FBF1: variants seen among roughly 807,000 people sequenced by gnomAD.
The protein encoded by FBF1 is Fas binding factor 1.
A neutral mutation model predicts 147.2 loss-of-function variants in FBF1; 119 were observed. The ratio of observed to expected loss-of-function variants is 0.81; its 90% CI spans 0.70 to 0.94. The LOEUF (loss-of-function observed/expected upper bound fraction) is 0.94, where lower values mean the gene tolerates loss of function less well. FBF1 is among the 40% of genes least tolerant of loss of function. The probability of loss-of-function intolerance (pLI) is 0.00; values close to 1 mark genes in which losing one functional copy is unlikely to be tolerated. For synonymous variants in FBF1, 601 were observed against 609.0 expected, an observed-to-expected ratio of 0.99 and a Z score of 0.19; for missense variants, 1,449 against 1,500.8, an observed-to-expected ratio of 0.97 and a Z score of 0.57.
Position 75,914,838 on chromosome 17 carries a change from T to C in FBF1, c.2723A>G (p.Gln908Arg). Residue 908 changes from glutamine (Q) to arginine (R), a missense_variant, in exon 25 of 30, where the codon CAA becomes CGA. Gln to Arg is a conservative substitution (Grantham distance 43). Coordinates refer to ENST00000636174, the MANE Select transcript of FBF1 (RefSeq NM_001319193.2). ...CTCGGCCCGCTCCTTACTCAGCTTT[T>C]GCTGCGCGGAGAACTCCGCCCACTC... ...AAEWAEFSAQ[Q>R]KLSKERAERE... 6.2e-7 allele frequency: 1 copy of C among 1,608,992 alleles called. No individual in the cohort carries two copies.
chr17:75,923,149 T>C lies in FBF1; in HGVS notation c.1424+37A>G. ...AGGGGCTCCTCAAGTCCCCAGCCAGTCCTCCCCCTACTAGCCACAGCAGCC... is the reference window on the plus strand; with the variant it reads ...AGGGGCTCCTCAAGTCCCCAGCCAGCCCTCCCCCTACTAGCCACAGCAGCC... On this transcript the variant is annotated intron_variant, in intron 14 of 29. Transcript: ENST00000636174. The surrounding 1 kb of genome is among the most constrained non-coding windows in gnomAD (Gnocchi z 4.1). 4 of 1,510,274 alleles carry C rather than the reference T, an allele frequency of 2.6e-6. No individual in the cohort carries two copies. The highest frequency in any genetic ancestry group is 3.6e-6 in the Non-Finnish European group (4 of 1,124,426). The allele number at this position is 1,510,274 out of a possible 1,614,324, so 93.6% of individuals were successfully genotyped here.
At position 75,923,448 on chromosome 17, in the gene FBF1, G is replaced by A. The variant is rs1390497693; in HGVS notation, c.1162C>T (p.Pro388Ser). ...TGGCTCGCAGGAGGAGGCACTGAGG[G>A]CGTGACAGGCACTGAACTTTCCCGA... is the stretch of plus-strand genomic sequence containing the variant. Reference protein sequence around the residue: ...AHRESSVPVTPSVPPPASQHS... With the variant: ...AHRESSVPVTSSVPPPASQHS... Residue 388 changes from proline to serine, a missense_variant, in exon 14 of 30, where the codon CCC becomes TCC. Pro to Ser is a moderately conservative substitution (Grantham distance 74). Transcript: ENST00000636174. This position sits in a 1 kb window ranked among gnomAD's most constrained non-coding sequence, Gnocchi z 4.1. 2 of 1,609,148 alleles carry A rather than the reference G, an allele frequency of 1.2e-6. No homozygotes were observed.
At chr17:75,915,874 G>T (rs1221947385) in intron 23 of FBF1, among the ~76,000 whole-genome samples, 1 of 151,906 alleles carries the variant, frequency 6.6e-6, no homozygotes, top group African/African-American at 2.4e-5. Context: ...TGGGCGTGGT[G>T]GCAGTTGCCT....
intron 5 of FBF1, 63 bp from the exon 6 acceptor site, chr17:75,931,352 G>A: frequency 6.9e-7 from 1 of 1,457,224 alleles, no homozygotes. Flanking sequence ...CTAAAAAGGG[G>A]AGGAGTAGCT....
chr17:75,930,516 T>C (rs2065587822), intron 6 of FBF1, among the ~76,000 whole-genome samples: 1 of 152,192 alleles, frequency 6.6e-6, no homozygotes, highest in Non-Finnish European at 1.5e-5. Context: ...TCCCAGCACT[T>C]TGGGAGGCCG....
chr17:75,924,370 A>C (rs2065547627), intron 13 of FBF1, among the ~76,000 whole-genome samples: 1 of 152,210 alleles, frequency 6.6e-6, no homozygotes, highest in South Asian at 2.1e-4. Flanking sequence ...CGATGTGCTT[A>C]GAGCTATTCA....
chr17:75,921,683 A>G (rs2065528009), intron 15 of FBF1, 123 bp from the exon 16 acceptor site: 2 of 255,564 alleles, frequency 7.8e-6, no homozygotes, highest in Non-Finnish European at 1.4e-5. Flanking sequence ...TACGTGGGAC[A>G]CGGGGATGGG....
chr17:75,929,944 G>GAGGGCCCCCCCCCCCCCCCCCCCCAAAA, intron 7 of FBF1, 53 bp downstream of exon 7: 1 of 685,844 alleles, frequency 1.5e-6, no homozygotes, highest in Non-Finnish European at 2.7e-6. Context: ...AAAATATCAT[G>GAGGGCCCCCCCCCCCCCCCCCCCCAAAA]ACCCCACCCC....
intron 6 of FBF1, among the ~76,000 whole-genome samples, chr17:75,930,582 A>G (rs966410652): frequency 2.0e-5 from 3 of 152,210 alleles, no homozygotes; most frequent in Non-Finnish European, 4.4e-5. Context: ...CAATGTGGTG[A>G]AACCCCGTCT....
chr17:75,934,940 A>T (rs72865817), intron 4 of FBF1, among the ~76,000 whole-genome samples: 1 of 152,148 alleles, frequency 6.6e-6, no homozygotes, highest in Non-Finnish European at 1.5e-5. Context: ...AAGTGTCCAC[A>T]ATAGGCAAAT....
chr17:75,911,058 G>C (rs1220834937), intron 29 of FBF1, among the ~76,000 whole-genome samples: 1 of 152,156 alleles, frequency 6.6e-6, no homozygotes, highest in Admixed American at 6.5e-5. Context: ...CTAAGCCTCA[G>C]TTTCCTTGTC....
In FBF1 at chr17:75,926,144, G is replaced by T; in HGVS notation, c.754C>A (p.Arg252Ser). ...IGDQEGPRPA[R>S]STLDELLGRG... ...CCCAGCAGCTCATCCAGCGTGGAGC[G>T]AGCAGGGCGAGGCCCTTCCCTGCAG... Residue 252 changes from arginine (R) to serine (S), a missense_variant, in exon 12 of 30, where the codon CGC (arginine) becomes AGC (serine). By Grantham distance (110) the Arg-to-Ser change is moderately radical. Transcript: ENST00000636174. 1 of 1,608,774 alleles carries T rather than the reference G, an allele frequency of 6.2e-7. No individual in the cohort carries two copies. Among genetic ancestry groups the T allele is most frequent in the Non-Finnish European group, 8.5e-7 (1 of 1,178,262 alleles).
Position 75,914,754 on chromosome 17 carries a change from A to G in FBF1, c.2807T>C (p.Leu936Pro), listed in dbSNP as rs1336268209. ...DTQREGTLISLAKEQAELKIR... is the reference protein window; with the variant it reads ...DTQREGTLISPAKEQAELKIR... ...GGAGGCTCTGGGCCCTACCTTGGCC[A>G]GGCTGATGAGGGTGCCCTCCCGCTG... The change falls in exon 25 of 30, where the codon CTG becomes CCG. Residue 936 changes from leucine to proline, a missense_variant. Physicochemically the swap from Leu to Pro is moderately conservative, Grantham distance 98. Coordinates refer to ENST00000636174, the MANE Select transcript of FBF1 (RefSeq NM_001319193.2). 6.4e-7 allele frequency: 1 copy of G among 1,570,576 alleles called. No individual in the cohort carries two copies.
chr17:75,917,809 C>T lies in FBF1; in HGVS notation c.2428G>A (p.Glu810Lys). 6.2e-7 allele frequency: 1 copy of T among 1,609,008 alleles called. No individual in the cohort carries two copies. Among genetic ancestry groups the T allele is most frequent in the Non-Finnish European group, 8.5e-7 (1 of 1,178,708 alleles). Residue 810 changes from glutamate to lysine, a missense_variant, in exon 23 of 30, where the codon GAG becomes AAG. Transcript: ENST00000636174. The part of the protein sequence containing the change: ...RLGQQQRDME[E>K]ERSRQQEVIG... ...ACCTCCTGTTGCCGGCTCCGCTCCT[C>T]CTCCATGTCCCGCTGCTGCTGGCCC... is the stretch of plus-strand genomic sequence containing the variant.
chr17:75,923,498 G>C lies in FBF1; in HGVS notation c.1112C>G (p.Pro371Arg). 1 of 1,607,136 alleles carries C rather than the reference G, an allele frequency of 6.2e-7. No homozygotes were observed. Among genetic ancestry groups the C allele is most frequent in the Non-Finnish European group, 8.5e-7 (1 of 1,177,168 alleles). ...GLKDEDLDLFPASPTREAHRE... is the reference protein window; with the variant it reads ...GLKDEDLDLFRASPTREAHRE... ...ATGGGCCTCTCTGGTGGGTGAGGCAGGGAACAGGTCCAAGTCCTCGTCCTT... is the reference window on the plus strand; with the variant it reads ...ATGGGCCTCTCTGGTGGGTGAGGCACGGAACAGGTCCAAGTCCTCGTCCTT... The change falls in exon 14 of 30, where the codon CCT becomes CGT. Residue 371 changes from proline (P) to arginine (R), a missense_variant. Transcript: ENST00000636174. The surrounding 1 kb of genome is among the most constrained non-coding windows in gnomAD (Gnocchi z 4.1).
chr17:75,919,611 T>C lies in FBF1; in HGVS notation c.2138+57A>G. On this transcript the variant is annotated intron_variant, in intron 20 of 29. Coordinates refer to ENST00000636174, the MANE Select transcript of FBF1 (RefSeq NM_001319193.2). The surrounding 1 kb of genome is among the most constrained non-coding windows in gnomAD (Gnocchi z 5.0). ...CAGCGAAGGGTCTCGTGGGGATGGC[T>C]CTCTTCCGGCTACTCCTTGCAAGCC... The C allele has an allele frequency of 6.5e-7, 1 of 1,534,616 alleles. No homozygotes were observed. Among genetic ancestry groups the C allele is most frequent in the Admixed American group, 2.0e-5 (1 of 50,978 alleles).
Position 75,925,260 on chromosome 17 carries a change from G to C in FBF1, c.968+87C>G. On this transcript the variant is annotated intron_variant, in intron 13 of 29. Coordinates refer to ENST00000636174, the MANE Select transcript of FBF1 (RefSeq NM_001319193.2). This position sits in a 1 kb window ranked among gnomAD's most constrained non-coding sequence, Gnocchi z 5.0. ...CTGTGGCCTCCCACATGAGACTCTC[G>C]GGTGGGACAGGGGACAGCTGCAGGG... 2.0e-6 allele frequency: 2 copies of C among 995,256 alleles called. No homozygotes were observed. The highest frequency in any genetic ancestry group is 3.0e-6 in the Non-Finnish European group (2 of 674,150). The allele number at this position is 995,256 out of a possible 1,614,324, so 61.7% of individuals were successfully genotyped here.
Position 75,923,223 on chromosome 17 carries a change from G to A in FBF1, c.1387C>T (p.His463Tyr). The A allele has an allele frequency of 6.3e-7, 1 of 1,592,882 alleles. No individual in the cohort carries two copies. Among genetic ancestry groups the A allele is most frequent in the African/African-American group, 1.3e-5 (1 of 74,676 alleles). ...EQHAGTSEGL[H>Y]LAGTAGHPPS... Reference sequence around the variant, plus strand: ...GGATGGCCCGCTGTCCCCGCCAAATGCAGGCCCTCAGAGGTCCCAGCATGC... The same window carrying A: ...GGATGGCCCGCTGTCCCCGCCAAATACAGGCCCTCAGAGGTCCCAGCATGC... The change falls in exon 14 of 30, where the codon CAT becomes TAT. Residue 463 changes from histidine (H) to tyrosine (Y), a missense_variant. Coordinates refer to ENST00000636174, the MANE Select transcript of FBF1 (RefSeq NM_001319193.2). This position sits in a 1 kb window ranked among gnomAD's most constrained non-coding sequence, Gnocchi z 4.1.
Position 75,925,413 on chromosome 17 carries a change from G to C in FBF1, c.902C>G (p.Thr301Ser). The C allele has an allele frequency of 6.2e-7, 1 of 1,613,750 alleles. No individual in the cohort carries two copies. Residue 301 changes from threonine (T) to serine (S), a missense_variant, in exon 13 of 30, where the codon ACC becomes AGC. Physicochemically the swap from Thr to Ser is moderately conservative, Grantham distance 58 (BLOSUM62 1). Transcript: ENST00000636174. This position sits in a 1 kb window ranked among gnomAD's most constrained non-coding sequence, Gnocchi z 5.0. ...SEDMWGDEDFTFGAYQPTVVS... is the reference protein window; with the variant it reads ...SEDMWGDEDFSFGAYQPTVVS... ...CACAGTGGGCTGATAGGCTCCAAAG[G>C]TGAAGTCCTCGTCACCCCACATATC...
Sources: allele counts gnomAD v4.1 joint callset (sites outside exome capture counted in the v4.1 genomes callset), GRCh38; gene constraint gnomAD v4.1.1; non-coding constraint Gnocchi (gnomAD v3.1); transcripts MANE v1.5; gene names NCBI Gene and HGNC (gene_info 2026-07-23, HGNC 2026-07-21).